FAM149B1: variants seen among roughly 807,000 people sequenced by gnomAD.
FAM149B1 encodes primary cilium assembly protein FAM149B1.
In FAM149B1, 56 loss-of-function variants were observed where a neutral mutation model predicts 75.3. The ratio of observed to expected loss-of-function variants is 0.74; its 90% CI spans 0.60 to 0.93. FAM149B1 has a LOEUF of 0.93. Among genes scored for constraint, FAM149B1 ranks in the 40% least tolerant of loss-of-function variants. The probability of loss-of-function intolerance (pLI) is 0.00; values close to 1 mark genes in which losing one functional copy is unlikely to be tolerated. For synonymous variants in FAM149B1, 259 were observed against 256.1 expected (o/e 1.01, Z -0.11); for missense variants, 639 against 708.4 (o/e 0.90, Z 1.11).
rs529048976 is a variant in FAM149B1, at chr10:73,222,426, T to A, written c.899-5634T>A. Among the ~76,000 whole-genome samples, 3 of 151,678 alleles carry A rather than the reference T, an allele frequency of 2.0e-5. No individual in the cohort carries two copies. In the East Asian group the frequency reaches 5.8e-4, roughly 29 times the overall value. Reference sequence around the variant, plus strand: ...GCAAGTACTGTTCCCTTCTTTCACTTTTTTTTTTCCTAGCCTCAGGTGGCT... The same window carrying A: ...GCAAGTACTGTTCCCTTCTTTCACTATTTTTTTTCCTAGCCTCAGGTGGCT... On this transcript the variant is annotated intron_variant, in intron 7 of 13. Transcript: ENST00000242505.
Position 73,168,169 on chromosome 10 carries a change from G to A in FAM149B1, c.-171G>A. On this transcript the variant is annotated 5_prime_UTR_variant, in exon 1 of 14. Coordinates refer to ENST00000242505, the MANE Select transcript of FAM149B1 (RefSeq NM_173348.2). ...GAGGTCGGAGGACTGGAGAGGTGGGGACCCTGGGGAGGTGGCTGCTCGGAG... is the reference window on the plus strand; with the variant it reads ...GAGGTCGGAGGACTGGAGAGGTGGGAACCCTGGGGAGGTGGCTGCTCGGAG... 1 of 661,814 alleles carries A rather than the reference G, an allele frequency of 1.5e-6. No homozygotes were observed. The highest frequency in any genetic ancestry group is 2.0e-5 in the South Asian group (1 of 49,664). 41.0% of individuals were successfully genotyped at this position (661,814 alleles called of 1,614,324 possible). A position where few individuals can be genotyped will look rare whatever the true frequency, so the allele number is the denominator to read the frequency against.
intron 4 of FAM149B1, among the ~76,000 whole-genome samples, 176 bp from the exon 5 acceptor site, chr10:73,193,301 A>G (rs925916507): frequency 3.3e-5 from 5 of 150,440 alleles, no homozygotes; most frequent in Non-Finnish European, 7.4e-5. Flanking sequence ...TCTCCATTCT[A>G]TGGAAGAGAT....
At chr10:73,229,438 G>T (rs550054312) in intron 8 of FAM149B1, among the ~76,000 whole-genome samples, 1 of 152,332 alleles carries the variant, frequency 6.6e-6, no homozygotes, top group South Asian at 2.1e-4. Flanking sequence ...AGCTGGGCAT[G>T]GTGGCAGGCA....
chr10:73,205,508 T>C (rs137958717), intron 5 of FAM149B1, among the ~76,000 whole-genome samples: 4 of 152,226 alleles, frequency 2.6e-5, no homozygotes, highest in African/African-American at 9.6e-5. Flanking sequence ...TTAAACCTCT[T>C]TTCCTATAAA....
chr10:73,172,051 A>G (rs1419314595), intron 1 of FAM149B1, among the ~76,000 whole-genome samples: 12 of 151,998 alleles, frequency 7.9e-5, no homozygotes, highest in Admixed American at 6.5e-5. Flanking sequence ...ACATTTTTGT[A>G]TGTAGTCATA....
chr10:73,234,873 A>C lies in FAM149B1; in HGVS notation c.1409A>C (p.Asn470Thr). 1 of 1,551,810 alleles carries C rather than the reference A, an allele frequency of 6.4e-7. No individual in the cohort carries two copies. Reference protein sequence around the residue: ...SPSPTPLSRNNLLPPIGTAEV... With the variant: ...SPSPTPLSRNTLLPPIGTAEV... Reference sequence around the variant, plus strand: ...TCACCGACGCCCCTGAGTCGAAATAATCTGCTACCACCTATTGGCACAGCT... The same window carrying C: ...TCACCGACGCCCCTGAGTCGAAATACTCTGCTACCACCTATTGGCACAGCT... The change falls in exon 11 of 14, where the codon AAT (asparagine) becomes ACT (threonine). Residue 470 changes from asparagine to threonine, a missense_variant. Transcript: ENST00000242505.
At chr10:73,177,265 G>A (rs1172657175) in intron 2 of FAM149B1, among the ~76,000 whole-genome samples, 1 of 152,056 alleles carries the variant, frequency 6.6e-6, no homozygotes, top group East Asian at 1.9e-4. Context: ...TTTCTGAAAT[G>A]TCTTTAGTTG....
intron 7 of FAM149B1, among the ~76,000 whole-genome samples, chr10:73,226,439 A>G (rs980655545): frequency 6.6e-6 from 1 of 152,136 alleles, no homozygotes; most frequent in Non-Finnish European, 1.5e-5. Flanking sequence ...TGGGAGGCAG[A>G]GCTTGCAGTG....
At chr10:73,231,071 AAAG>A (rs1164390035) in intron 9 of FAM149B1, 1 of 152,866 alleles carries the variant, frequency 6.5e-6, no homozygotes, top group African/African-American at 2.4e-5. Flanking sequence ...GATTAGCGGG[AAAG>A]AAGTGACTAT....
chr10:73,243,625 G>T lies in FAM149B1; in HGVS notation c.*2606G>T. On this transcript the variant is annotated 3_prime_UTR_variant, in exon 14 of 14. Transcript: ENST00000242505. Reference sequence around the variant, plus strand: ...AGTGGAATAACTACTAATGGGTATGGAGTTTTTTTGGAATGGTGAAAATGT... The same window carrying T: ...AGTGGAATAACTACTAATGGGTATGTAGTTTTTTTGGAATGGTGAAAATGT... 7.0e-7 allele frequency: 1 copy of T among 1,427,350 alleles called. No individual in the cohort carries two copies. The highest frequency in any genetic ancestry group is 9.6e-7 in the Non-Finnish European group (1 of 1,043,784). 88.4% of individuals were successfully genotyped at this position (1,427,350 alleles called of 1,614,324 possible).
intron 2 of FAM149B1, among the ~76,000 whole-genome samples, chr10:73,175,690 A>T (rs1043688406): frequency 1.3e-5 from 2 of 149,346 alleles, no homozygotes; most frequent in African/African-American, 4.9e-5. Flanking sequence ...AAAAAAAGAA[A>T]AGAAAAAACA....
At chr10:73,182,691 A>G (rs1287199300) in intron 3 of FAM149B1, among the ~76,000 whole-genome samples, 1 of 152,224 alleles carries the variant, frequency 6.6e-6, no homozygotes, top group Non-Finnish European at 1.5e-5. Context: ...ATCAGCTGCC[A>G]GACATGTGAG....
chr10:73,230,389 C>T (rs766614712), intron 8 of FAM149B1, 33 bp from the exon 9 acceptor site: 5 of 1,187,284 alleles, frequency 4.2e-6, no homozygotes, highest in Non-Finnish European at 6.1e-6. Context: ...CTTCTCCAAC[C>T]GATCAAGAGT....
chr10:73,171,630 CTTTT>C (rs11351703), intron 1 of FAM149B1, among the ~76,000 whole-genome samples: 2 of 137,458 alleles, frequency 1.5e-5, no homozygotes. Context: ...CCTTTTCTTT[CTTTT>C]TTTTTTTTTT....
At position 73,234,960 on chromosome 10, in the gene FAM149B1, C is replaced by G; in HGVS notation, c.1476+20C>G. ...CAGATGGTATGTTTCTTTCATATTG[C>G]CTCTCCATGTACTTACCATACAACC... On this transcript the variant is annotated intron_variant, in intron 11 of 13. Transcript: ENST00000242505. 6.4e-7 allele frequency: 1 copy of G among 1,551,116 alleles called. No individual in the cohort carries two copies. The highest frequency in any genetic ancestry group is 8.7e-7 in the Non-Finnish European group (1 of 1,146,682).
intron 7 of FAM149B1, among the ~76,000 whole-genome samples, chr10:73,225,554 C>G (rs947166706): frequency 6.6e-6 from 1 of 151,946 alleles, no homozygotes; most frequent in African/African-American, 2.4e-5. Context: ...TCAAAAGGAT[C>G]AAAAAGTTAA....
At chr10:73,227,497 T>C (rs913506356) in intron 7 of FAM149B1, among the ~76,000 whole-genome samples, 8 of 152,240 alleles carry the variant, frequency 5.3e-5, no homozygotes, top group African/African-American at 1.9e-4. Context: ...GATCCGACTA[T>C]GCTGTTTCTG....
In FAM149B1 at chr10:73,233,004, C is replaced by A; in HGVS notation, c.1193C>A (p.Pro398Gln). Reference protein sequence around the residue: ...SSTILSTRNWPNRAVEFSTSS... With the variant: ...SSTILSTRNWQNRAVEFSTSS... The stretch of plus-strand genomic sequence containing the variant: ...ACCATCCTTTCAACTCGAAATTGGC[C>A]AAATCGAGCTGTGGAGTTTAGTACA... Residue 398 changes from proline (P) to glutamine (Q), a missense_variant, in exon 10 of 14, where the codon CCA (proline) becomes CAA (glutamine). Transcript: ENST00000242505. 1 of 1,551,906 alleles carries A rather than the reference C, an allele frequency of 6.4e-7. No individual in the cohort carries two copies.
At chr10:73,176,732 A>G (rs192058136) in intron 2 of FAM149B1, among the ~76,000 whole-genome samples, 14 of 151,290 alleles carry the variant, frequency 9.3e-5, no homozygotes, top group African/African-American at 3.4e-4. Context: ...CCAAAAATAC[A>G]AAAAAAAGAA....
Sources: gnomAD v4.1 joint callset for allele counts (sites outside exome capture counted in the v4.1 genomes callset) on GRCh38, gnomAD v4.1.1 for gene constraint, MANE v1.5 for transcripts, NCBI Gene and HGNC (gene_info 2026-07-23, HGNC 2026-07-21) for gene names.